TBC1D22A: variants seen among roughly 807,000 people sequenced by gnomAD.
The protein encoded by TBC1D22A is putative GTPase activator.
In TBC1D22A, 38 loss-of-function variants were observed where a neutral mutation model predicts 60.2. That is an observed-to-expected ratio of 0.63 (90% confidence interval 0.49 to 0.83). TBC1D22A has a LOEUF of 0.83. Ranked by LOEUF, TBC1D22A falls within the 40% of genes least tolerant of loss-of-function variation. TBC1D22A has a pLI of 0.00. For missense variants in TBC1D22A, 628 were observed against 701.0 expected, an observed-to-expected ratio of 0.90 and a Z score of 1.18; for synonymous variants, 302 against 281.7, an observed-to-expected ratio of 1.07 and a Z score of -0.72.
chr22:46,979,595 A>G (rs1248428994), intron 9 of TBC1D22A, among the ~76,000 whole-genome samples: 1 of 152,170 alleles, frequency 6.6e-6, no homozygotes, highest in African/African-American at 2.4e-5. Context: ...GCGCAGTGTT[A>G]ATAGTAAGAT....
At chr22:46,907,784 C>T (rs191915038) in intron 7 of TBC1D22A, among the ~76,000 whole-genome samples, 7 of 152,328 alleles carry the variant, frequency 4.6e-5, no homozygotes, top group Non-Finnish European at 8.8e-5. Flanking sequence ...AGGCCAGAGC[C>T]GGGGCAGTGC....
intron 4 of TBC1D22A, among the ~76,000 whole-genome samples, chr22:46,820,866 CTT>C (rs1196522567): frequency 6.6e-6 from 1 of 152,160 alleles, no homozygotes; most frequent in Non-Finnish European, 1.5e-5. Context: ...GTCTAAGTCT[CTT>C]TGTAGGTCTC....
At chr22:47,021,238 A>C (rs2148339091) in intron 10 of TBC1D22A, among the ~76,000 whole-genome samples, 1 of 139,468 alleles carries the variant, frequency 7.2e-6, no homozygotes. Flanking sequence ...CCCTACCTGT[A>C]GCCTGGAGCC....
chr22:47,140,457 G>T (rs544760694), intron 12 of TBC1D22A, among the ~76,000 whole-genome samples: 1 of 151,948 alleles, frequency 6.6e-6, no homozygotes, highest in East Asian at 1.9e-4. Flanking sequence ...TACTGGGGAG[G>T]CTGAGGCAGG....
At chr22:46,898,549 A>G (rs1362144398) in intron 7 of TBC1D22A, among the ~76,000 whole-genome samples, 1 of 152,062 alleles carries the variant, frequency 6.6e-6, no homozygotes, top group Non-Finnish European at 1.5e-5. Context: ...TTTTTAACCT[A>G]AAACGACATA....
chr22:46,898,018 G>A (rs752302079), intron 7 of TBC1D22A, among the ~76,000 whole-genome samples: 1 of 152,152 alleles, frequency 6.6e-6, no homozygotes, highest in African/African-American at 2.4e-5. Flanking sequence ...CTCTTTGATT[G>A]TCCTTTTTAG....
At chr22:46,788,483 AGT>A (rs1304505204) in intron 1 of TBC1D22A, among the ~76,000 whole-genome samples, 9 of 152,248 alleles carry the variant, frequency 5.9e-5, no homozygotes, top group Non-Finnish European at 1.3e-4. Context: ...GGAGCTGAGC[AGT>A]GGCACGTGGC....
At position 47,119,870 on chromosome 22, in the gene TBC1D22A, C is replaced by T. The variant is rs544036270; in HGVS notation, c.1425+8267C>T. Among the ~76,000 whole-genome samples the T allele has an allele frequency of 5.3e-5, 8 of 152,158 alleles. No homozygotes were observed. The South Asian group carries it at 8.3e-4, about 16-fold the overall frequency. On this transcript the variant is annotated intron_variant, in intron 12 of 12. Coordinates refer to ENST00000337137, the MANE Select transcript of TBC1D22A (RefSeq NM_014346.5). ...GACTGGAAGTTCAAGATCAAGGCGT[C>T]GGCCTCTGGTGTCTGTCCAGGGCGC...
chr22:46,884,196 A>C (rs898610186), intron 5 of TBC1D22A, among the ~76,000 whole-genome samples: 8 of 151,232 alleles, frequency 5.3e-5, no homozygotes, highest in Non-Finnish European at 7.4e-5. Flanking sequence ...AAGGGCTGGG[A>C]TCAGCTTGGT....
chr22:46,864,127 C>T (rs193176684), intron 4 of TBC1D22A, among the ~76,000 whole-genome samples: 1 of 152,300 alleles, frequency 6.6e-6, no homozygotes, highest in Admixed American at 6.5e-5. Flanking sequence ...CCAGAAGCTG[C>T]CTGAAATTAC....
chr22:47,039,423 G>A (rs901742005), intron 11 of TBC1D22A, among the ~76,000 whole-genome samples: 1 of 152,052 alleles, frequency 6.6e-6, no homozygotes, highest in Non-Finnish European at 1.5e-5. Flanking sequence ...TAAACTGGGG[G>A]GTTTATTAGC....
At chr22:47,072,648 G>C (rs969297462) in intron 11 of TBC1D22A, among the ~76,000 whole-genome samples, 1 of 152,250 alleles carries the variant, frequency 6.6e-6, no homozygotes, top group African/African-American at 2.4e-5. Flanking sequence ...ACCCTGTGCA[G>C]GGGGCCTAGC....
At chr22:46,988,373 G>C (rs770883966) in intron 9 of TBC1D22A, among the ~76,000 whole-genome samples, 5 of 152,230 alleles carry the variant, frequency 3.3e-5, no homozygotes, top group Non-Finnish European at 7.3e-5. Context: ...CCTTTCCACA[G>C]GGTTTTCAGT....
chr22:46,767,846 A>G (rs1036716849), intron 1 of TBC1D22A, among the ~76,000 whole-genome samples: 1 of 152,156 alleles, frequency 6.6e-6, no homozygotes, highest in African/African-American at 2.4e-5. Flanking sequence ...AGCTGGGGCC[A>G]GGGTGGGTCT....
chr22:46,950,413 A>C (rs566849929), intron 8 of TBC1D22A, among the ~76,000 whole-genome samples: 25 of 152,270 alleles, frequency 1.6e-4, no homozygotes, highest in African/African-American at 5.8e-4. Flanking sequence ...CTCTTAGTCA[A>C]AACCCCACGG....
At chr22:46,851,649 C>G (rs1218815370) in intron 4 of TBC1D22A, among the ~76,000 whole-genome samples, 1 of 152,372 alleles carries the variant, frequency 6.6e-6, no homozygotes, top group Middle Eastern at 3.4e-3. Flanking sequence ...TGTGAGCCAT[C>G]AGGATTCAAT....
At chr22:47,006,825 T>G (rs1397027554) in intron 10 of TBC1D22A, among the ~76,000 whole-genome samples, 1 of 152,198 alleles carries the variant, frequency 6.6e-6, no homozygotes, top group Non-Finnish European at 1.5e-5. Flanking sequence ...TCTGCCGCCT[T>G]CCCTGACAGG....
intron 11 of TBC1D22A, among the ~76,000 whole-genome samples, chr22:47,044,528 A>G (rs1286391856): frequency 6.6e-6 from 1 of 152,248 alleles, no homozygotes; most frequent in Non-Finnish European, 1.5e-5. Flanking sequence ...GGTCAGGTGC[A>G]GTGAAACTGA....
At chr22:46,850,971 C>A (rs1161724091) in intron 4 of TBC1D22A, among the ~76,000 whole-genome samples, 1 of 152,112 alleles carries the variant, frequency 6.6e-6, no homozygotes, top group African/African-American at 2.4e-5. Context: ...GCAAAATAGG[C>A]AAATCCATAG....
Sources: gnomAD v4.1 joint callset for allele counts (sites outside exome capture counted in the v4.1 genomes callset) on GRCh38, gnomAD v4.1.1 for gene constraint, MANE v1.5 for transcripts, NCBI Gene and HGNC (gene_info 2026-07-23, HGNC 2026-07-21) for gene names.